Variants in CNBD1 observed in about 807,000 individuals in gnomAD.
CNBD1 encodes cyclic nucleotide binding domain containing 1.
CNBD1 carries 71 observed loss-of-function variants against 54.4 expected under a neutral mutation model. The ratio of observed to expected loss-of-function variants is 1.30; its 90% CI spans 1.08 to 1.59. The LOEUF (loss-of-function observed/expected upper bound fraction) is 1.59. CNBD1 is among the 40% of genes most tolerant of loss of function. The probability of loss-of-function intolerance (pLI) is 0.00; values close to 1 mark genes in which losing one functional copy is unlikely to be tolerated. For synonymous variants in CNBD1, 182 were observed against 170.7 expected (o/e 1.07, Z -0.51); for missense variants, 659 against 518.0 (o/e 1.27, Z -2.64).
intron 2 of CNBD1, among the ~76,000 whole-genome samples, chr8:87,394,027 G>C (rs1271285607): frequency 6.6e-6 from 1 of 151,806 alleles, no homozygotes; most frequent in Non-Finnish European, 1.5e-5. Flanking sequence ...TCAACTTCTA[G>C]TTTAAAAATA....
chr8:87,345,301 A>G (rs1810146907), intron 8 of CNBD1, among the ~76,000 whole-genome samples: 1 of 152,146 alleles, frequency 6.6e-6, no homozygotes, highest in Admixed American at 6.6e-5. Context: ...ATATTTTTGG[A>G]ACTTGGTAAT....
chr8:87,336,542 C>T (rs769940263), intron 8 of CNBD1, among the ~76,000 whole-genome samples: 10 of 152,210 alleles, frequency 6.6e-5, no homozygotes, highest in Middle Eastern at 6.8e-3. Flanking sequence ...TTTTCAGCTC[C>T]ATCAGGTCAT....
At chr8:87,035,909 AAAG>A (rs1167337895) in intron 4 of CNBD1, among the ~76,000 whole-genome samples, 5 of 152,296 alleles carry the variant, frequency 3.3e-5, no homozygotes, top group Non-Finnish European at 7.4e-5. Flanking sequence ...CAGCTAGCAG[AAAG>A]AAGAATGAGA....
chr8:86,866,607 T>C (rs1439520043), intron 1 of CNBD1, 24 bp downstream of exon 1: 19 of 1,541,266 alleles, frequency 1.2e-5, no homozygotes, highest in Non-Finnish European at 1.7e-5. Flanking sequence ...ACTTTGATGC[T>C]CTTATTCACC....
intron 4 of CNBD1, among the ~76,000 whole-genome samples, chr8:87,029,718 G>GA (rs975497163): frequency 4.0e-5 from 6 of 151,394 alleles, no homozygotes; most frequent in South Asian, 2.1e-4. Context: ...AATATTTGAG[G>GA]AAAAAAAATG....
chr8:86,973,906 T>C (rs2130495578), intron 4 of CNBD1, among the ~76,000 whole-genome samples: 1 of 152,258 alleles, frequency 6.6e-6, no homozygotes, highest in Non-Finnish European at 1.5e-5. Context: ...GGAATTTTGA[T>C]TTTCTCCAGT....
chr8:87,077,412 C>CTTTTTTT (rs374931620), intron 4 of CNBD1, among the ~76,000 whole-genome samples: 35 of 129,534 alleles, frequency 2.7e-4, no homozygotes, highest in African/African-American at 3.1e-4. Flanking sequence ...TCTTCTTCTT[C>CTTTTTTT]TTTTTTTTTT....
intron 4 of CNBD1, among the ~76,000 whole-genome samples, chr8:86,977,799 T>C (rs1808376244): frequency 6.6e-6 from 1 of 152,096 alleles, no homozygotes. Context: ...GGCTGAATTT[T>C]ACCAAACATT....
intron 7 of CNBD1, 113 bp downstream of exon 7, chr8:87,284,928 A>C (rs1808663951): frequency 1.3e-6 from 1 of 773,468 alleles, no homozygotes; most frequent in East Asian, 2.8e-5. Flanking sequence ...ATTTTAATTT[A>C]ACCTAGAGAC....
rs1014245002 is a variant in CNBD1 at position 87,059,099 on chromosome 8, G to C, written c.431+119345G>C. Among the ~76,000 whole-genome samples, 4 of 152,290 alleles carry C rather than the reference G, an allele frequency of 2.6e-5. No individual in the cohort carries two copies. The East Asian group carries it at 7.7e-4, about 29-fold the overall frequency. On this transcript the variant is annotated intron_variant, in intron 4 of 10. Transcript: ENST00000518476. ...CCAGTCTCTTTGCTAAGCACAGCAA[G>C]AGTCACCTTTGCTCTAGCTCCCAAC...
intron 5 of CNBD1, among the ~76,000 whole-genome samples, chr8:87,216,472 CT>C (rs1239994929): frequency 2.0e-5 from 3 of 152,108 alleles, no homozygotes; most frequent in Non-Finnish European, 4.4e-5. Flanking sequence ...GCATAACATA[CT>C]GTGTGGAATT....
intron 4 of CNBD1, among the ~76,000 whole-genome samples, chr8:87,014,351 G>T (rs1809308260): frequency 6.6e-6 from 1 of 151,482 alleles, no homozygotes; most frequent in Admixed American, 6.6e-5. Context: ...TGCCATAAGA[G>T]TTATAAACGA....
At chr8:87,038,172 G>A (rs2130605127) in intron 4 of CNBD1, among the ~76,000 whole-genome samples, 1 of 152,304 alleles carries the variant, frequency 6.6e-6, no homozygotes, top group East Asian at 1.9e-4. Flanking sequence ...AAAGGAGGTA[G>A]CCATGTTGAT....
chr8:87,303,703 T>C (rs972658498), intron 8 of CNBD1, among the ~76,000 whole-genome samples: 1 of 149,140 alleles, frequency 6.7e-6, no homozygotes, highest in African/African-American at 2.5e-5. Flanking sequence ...ACAGGCAACC[T>C]ACAGAATGGG....
chr8:86,941,223 A>G (rs1229069375), intron 4 of CNBD1, among the ~76,000 whole-genome samples: 4 of 152,206 alleles, frequency 2.6e-5, no homozygotes, highest in Non-Finnish European at 2.9e-5. Context: ...ATAGAAGGAA[A>G]TCTTAACCAC....
intron 4 of CNBD1, among the ~76,000 whole-genome samples, chr8:86,952,902 C>T (rs1476729318): frequency 5.3e-5 from 8 of 152,140 alleles, no homozygotes. Flanking sequence ...TCCAAGCAAC[C>T]ACTTATCTGC....
chr8:87,362,355 T>C (rs79006951), intron 10 of CNBD1, among the ~76,000 whole-genome samples: 40 of 152,222 alleles, frequency 2.6e-4, no homozygotes, highest in Non-Finnish European at 5.3e-4. Flanking sequence ...CAATACCAGA[T>C]GTGTTTATCC....
intron 8 of CNBD1, among the ~76,000 whole-genome samples, chr8:87,332,556 A>T (rs976498716): frequency 2.0e-5 from 3 of 152,090 alleles, no homozygotes; most frequent in African/African-American, 7.2e-5. Context: ...TAATTTTTGC[A>T]TAAGGTTTAA....
At chr8:87,393,963 A>C (rs570352643) in intron 2 of CNBD1, among the ~76,000 whole-genome samples, 14 of 151,868 alleles carry the variant, frequency 9.2e-5, no homozygotes, top group Non-Finnish European at 1.8e-4. Context: ...AGAGCACAAT[A>C]TGTAATGCAC....
Sources: allele counts gnomAD v4.1 joint callset (sites outside exome capture counted in the v4.1 genomes callset), GRCh38; gene constraint gnomAD v4.1.1; transcripts MANE v1.5; gene names NCBI Gene and HGNC (gene_info 2026-07-23, HGNC 2026-07-21).